Variants in RCAN2 observed in about 807,000 individuals in gnomAD.
The protein encoded by RCAN2 is calcipressin-2.
RCAN2 carries 9 observed loss-of-function variants against 23.6 expected under a neutral mutation model. The ratio of observed to expected loss-of-function variants is 0.38; its 90% CI spans 0.23 to 0.67. The LOEUF is 0.67. RCAN2 is among the 30% of genes least tolerant of loss of function. The pLI is 0.51. For missense variants in RCAN2, 273 were observed against 302.3 expected (o/e 0.90, Z 0.72); for synonymous variants, 109 against 115.7 (o/e 0.94, Z 0.37).
At chr6:46,445,631 A>C (rs1767683575) in intron 2 of RCAN2, among the ~76,000 whole-genome samples, 2 of 152,240 alleles carry the variant, frequency 1.3e-5, no homozygotes, top group South Asian at 4.1e-4. Context: ...AAGAATTCAA[A>C]ATAATTGCTT....
intron 4 of RCAN2, among the ~76,000 whole-genome samples, chr6:46,238,279 C>A (rs932109370): frequency 2.6e-5 from 4 of 152,164 alleles, no homozygotes; most frequent in African/African-American, 9.7e-5. Context: ...CATCGCCGAC[C>A]CCTTACTAGG....
At chr6:46,276,207 T>C (rs940780311) in intron 2 of RCAN2, among the ~76,000 whole-genome samples, 5 of 70,412 alleles carry the variant, frequency 7.1e-5, no homozygotes, top group African/African-American at 1.0e-4. Context: ...AGAGTGAGAC[T>C]CTGTCTAAAA....
intron 2 of RCAN2, among the ~76,000 whole-genome samples, chr6:46,427,771 A>G (rs927143550): frequency 3.3e-5 from 5 of 152,238 alleles, no homozygotes; most frequent in African/African-American, 9.6e-5. Context: ...CAACAGATAG[A>G]CAATTCAAAC....
At chr6:46,481,172 TAAAC>T (rs973878008) in intron 1 of RCAN2, among the ~76,000 whole-genome samples, 1 of 152,176 alleles carries the variant, frequency 6.6e-6, no homozygotes, top group African/African-American at 2.4e-5. Flanking sequence ...GAGGTGTAGA[TAAAC>T]AAGTAAGAAA....
intron 2 of RCAN2, among the ~76,000 whole-genome samples, chr6:46,390,051 ATTG>A (rs1364553552): frequency 8.9e-4 from 135 of 152,042 alleles, no homozygotes; most frequent in Non-Finnish European, 1.5e-3. Context: ...ACTCCTGAAA[ATTG>A]ACCAGGCTAC....
intron 2 of RCAN2, among the ~76,000 whole-genome samples, chr6:46,398,577 G>A (rs1191477964): frequency 6.6e-6 from 1 of 152,104 alleles, no homozygotes; most frequent in African/African-American, 2.4e-5. Flanking sequence ...TTTTATGGCT[G>A]CGAGTTTAAC....
At chr6:46,251,681 G>A (rs1766726940) in intron 2 of RCAN2, among the ~76,000 whole-genome samples, 1 of 152,112 alleles carries the variant, frequency 6.6e-6, no homozygotes, top group Non-Finnish European at 1.5e-5. Flanking sequence ...TCAAGAGACT[G>A]CATTAGGAGC....
At chr6:46,282,620 C>T (rs900821693) in intron 2 of RCAN2, among the ~76,000 whole-genome samples, 3 of 152,190 alleles carry the variant, frequency 2.0e-5, no homozygotes, top group Non-Finnish European at 4.4e-5. Context: ...CTAAATCGCA[C>T]TGTGAAACCA....
At chr6:46,276,219 C>CAAAACAAAAA (rs1767695536) in intron 2 of RCAN2, among the ~76,000 whole-genome samples, 2 of 151,812 alleles carry the variant, frequency 1.3e-5, no homozygotes, top group South Asian at 4.2e-4. Context: ...TGTCTAAAAA[C>CAAAACAAAAA]AAAACAAAAC....
chr6:46,380,429 G>A (rs569078570), intron 2 of RCAN2, among the ~76,000 whole-genome samples: 1 of 152,308 alleles, frequency 6.6e-6, no homozygotes, highest in East Asian at 1.9e-4. Flanking sequence ...AATGTTTAAA[G>A]ATGCTAGAGC....
chr6:46,268,827 A>T (rs1414138551), intron 2 of RCAN2, among the ~76,000 whole-genome samples: 8 of 152,126 alleles, frequency 5.3e-5, no homozygotes, highest in Non-Finnish European at 1.2e-4. Flanking sequence ...ATGTGACTAG[A>T]TGTGTGATTT....
intron 2 of RCAN2, among the ~76,000 whole-genome samples, chr6:46,350,462 C>T (rs1764614370): frequency 6.6e-6 from 1 of 152,156 alleles, no homozygotes; most frequent in African/African-American, 2.4e-5. Flanking sequence ...CAGGGGCAGG[C>T]AACCCCAATA....
intron 1 of RCAN2, among the ~76,000 whole-genome samples, chr6:46,461,593 T>C (rs1397600451): frequency 6.6e-6 from 1 of 151,718 alleles, no homozygotes; most frequent in Non-Finnish European, 1.5e-5. Context: ...TCTTTTTTTT[T>C]TTTTCTTTTG....
At chr6:46,251,175 T>G (rs554356203) in intron 2 of RCAN2, among the ~76,000 whole-genome samples, 26 of 152,370 alleles carry the variant, frequency 1.7e-4, no homozygotes, top group African/African-American at 6.3e-4. Flanking sequence ...GCAGGCTTTT[T>G]GTCTCCCTTC....
chr6:46,388,218 G>A (rs554332037), intron 2 of RCAN2, among the ~76,000 whole-genome samples: 19 of 151,848 alleles, frequency 1.3e-4, no homozygotes, highest in Admixed American at 3.9e-4. Flanking sequence ...AAACCTGCAC[G>A]TTGTGCACAT....
At chr6:46,284,241 G>T (rs527819611) in intron 2 of RCAN2, among the ~76,000 whole-genome samples, 1 of 152,232 alleles carries the variant, frequency 6.6e-6, no homozygotes, top group South Asian at 2.1e-4. Flanking sequence ...AGGCCTTAGA[G>T]CCTAAAGGTG....
At chr6:46,460,766 A>G (rs1473658305) in intron 1 of RCAN2, among the ~76,000 whole-genome samples, 1 of 152,252 alleles carries the variant, frequency 6.6e-6, no homozygotes, top group Non-Finnish European at 1.5e-5. Context: ...GGCTGAATTA[A>G]TGAATTATAT....
At chr6:46,412,913 T>C (rs1395511032) in intron 2 of RCAN2, among the ~76,000 whole-genome samples, 1 of 152,218 alleles carries the variant, frequency 6.6e-6, no homozygotes, top group Non-Finnish European at 1.5e-5. Flanking sequence ...ATAATAGGGC[T>C]GGTAGACTTT....
At chr6:46,429,314 G>C (rs1272136037) in intron 2 of RCAN2, among the ~76,000 whole-genome samples, 1 of 152,140 alleles carries the variant, frequency 6.6e-6, no homozygotes, top group Non-Finnish European at 1.5e-5. Context: ...CACAACAGAG[G>C]CATTTTAACT....
Sources: gnomAD v4.1 joint callset for allele counts (sites outside exome capture counted in the v4.1 genomes callset) on GRCh38, gnomAD v4.1.1 for gene constraint, MANE v1.5 for transcripts, NCBI Gene and HGNC (gene_info 2026-07-23, HGNC 2026-07-21) for gene names.